The following CDYL2 variants were observed in gnomAD, a reference collection of about 807,000 sequenced individuals.
The protein encoded by CDYL2 is chromodomain Y-like protein 2.
A neutral mutation model predicts 49.4 loss-of-function variants in CDYL2; 23 were observed. The observed-to-expected ratio is 0.47, with a 90% CI of 0.34 to 0.66. CDYL2 has a LOEUF of 0.66. Ranked by LOEUF, CDYL2 falls within the 30% of genes least tolerant of loss-of-function variation. The probability of loss-of-function intolerance (pLI) is 0.01; values close to 1 mark genes in which losing one functional copy is unlikely to be tolerated. For missense variants in CDYL2, 678 were observed against 656.4 expected (o/e 1.03, Z -0.36); for synonymous variants, 360 against 268.8 (o/e 1.34, Z -3.32).
At chr16:80,676,090 G>T (rs1048593624) in intron 2 of CDYL2, among the ~76,000 whole-genome samples, 2 of 152,110 alleles carry the variant, frequency 1.3e-5, no homozygotes, top group African/African-American at 2.4e-5. Context: ...AGTTGCTCCT[G>T]GTTAAAGAGT....
At chr16:80,697,178 G>C (rs1904280016) in intron 1 of CDYL2, among the ~76,000 whole-genome samples, 1 of 152,050 alleles carries the variant, frequency 6.6e-6, no homozygotes, top group Non-Finnish European at 1.5e-5. Flanking sequence ...CCTCAACAAA[G>C]AATACAAGCA....
chr16:80,662,321 G>A (rs1270244098), intron 2 of CDYL2, among the ~76,000 whole-genome samples: 1 of 152,182 alleles, frequency 6.6e-6, no homozygotes, highest in Admixed American at 6.5e-5. Context: ...GAACACAGAA[G>A]GAAGTTAGTG....
At chr16:80,754,103 C>G (rs1206485629) in intron 1 of CDYL2, among the ~76,000 whole-genome samples, 1 of 152,146 alleles carries the variant, frequency 6.6e-6, no homozygotes, top group Non-Finnish European at 1.5e-5. Context: ...AAATTTTAAT[C>G]CCTATTTTAC....
intron 2 of CDYL2, among the ~76,000 whole-genome samples, chr16:80,679,286 A>G (rs1909880081): frequency 7.6e-6 from 1 of 131,656 alleles, no homozygotes; most frequent in South Asian, 2.6e-4. Flanking sequence ...AAATAAATAA[A>G]TAAATAAACA....
At chr16:80,715,125 G>A (rs1343748207) in intron 1 of CDYL2, among the ~76,000 whole-genome samples, 7 of 152,188 alleles carry the variant, frequency 4.6e-5, no homozygotes, top group South Asian at 2.1e-4. Context: ...ACTGCAGTAC[G>A]GTACACAAGC....
intron 2 of CDYL2, among the ~76,000 whole-genome samples, chr16:80,658,211 C>G (rs1255503175): frequency 6.6e-6 from 1 of 151,404 alleles, no homozygotes; most frequent in African/African-American, 2.4e-5. Flanking sequence ...GAAGAGGTGA[C>G]CCTTCTTTGA....
chr16:80,667,954 G>T (rs537650336), intron 2 of CDYL2, among the ~76,000 whole-genome samples: 66 of 152,350 alleles, frequency 4.3e-4, no homozygotes, highest in African/African-American at 1.5e-3. Context: ...CAGCAGGATG[G>T]CACCCGGGCA....
At chr16:80,759,063 A>G (rs1291930390) in intron 1 of CDYL2, among the ~76,000 whole-genome samples, 2 of 144,628 alleles carry the variant, frequency 1.4e-5, no homozygotes, top group Admixed American at 1.4e-4. Context: ...CCCCATATGT[A>G]CATACCTGGG....
At position 80,601,306 on chromosome 16, in the gene CDYL2, G is replaced by A. The variant is rs929534328; in HGVS notation, c.*3082C>T. Reference sequence around the variant, plus strand: ...GAGAGTTCCACTGCATGGCTAACAGGATGGGAGGGAGTGGATTGCTAGAAA... The same window carrying A: ...GAGAGTTCCACTGCATGGCTAACAGAATGGGAGGGAGTGGATTGCTAGAAA... On this transcript the variant is annotated 3_prime_UTR_variant, in exon 7 of 7. Coordinates refer to ENST00000570137, the MANE Select transcript of CDYL2 (RefSeq NM_152342.4). 1 of 152,276 alleles carries A rather than the reference G, an allele frequency of 6.6e-6. No individual in the cohort carries two copies. The highest frequency in any genetic ancestry group is 2.1e-4 in the South Asian group (1 of 4,824). The allele number at this position is 152,276 out of a possible 1,614,324, so 9.4% of individuals were successfully genotyped here.
chr16:80,726,912 G>A (rs1396542329), intron 1 of CDYL2, among the ~76,000 whole-genome samples: 1 of 152,088 alleles, frequency 6.6e-6, no homozygotes, highest in African/African-American at 2.4e-5. Flanking sequence ...ATAATGAGAT[G>A]CTGCCTCTAC....
At chr16:80,797,569 T>C (rs897793083) in intron 1 of CDYL2, among the ~76,000 whole-genome samples, 11 of 152,166 alleles carry the variant, frequency 7.2e-5, no homozygotes, top group African/African-American at 2.2e-4. Flanking sequence ...CCTTTTTTTT[T>C]CCAGCATACC....
chr16:80,774,836 A>C (rs75568948), intron 1 of CDYL2, among the ~76,000 whole-genome samples: 5,084 of 152,032 alleles, frequency 0.033, 253 homozygotes, highest in African/African-American at 0.11. Flanking sequence ...AAGAGTAGTA[A>C]GATACATGAA....
At position 80,684,670 on chromosome 16, in the gene CDYL2, C is replaced by T. The variant is rs201425276; in HGVS notation, c.484G>A (p.Gly162Ser). The T allele has an allele frequency of 1.8e-5, 29 of 1,614,072 alleles. No individual in the cohort carries two copies. Among genetic ancestry groups the T allele is most frequent in the South Asian group, 3.3e-5 (3 of 91,084 alleles). The change falls in exon 2 of 7, where the codon GGC becomes AGC. Residue 162 changes from glycine (G) to serine (S), a missense_variant. Transcript: ENST00000570137. The part of the protein sequence containing the change: ...SQNGMENGDA[G>S]SEKDERHFGN... ...AAGTGCCTCTCATCCTTCTCAGAGC[C>T]GGCGTCCCCATTTTCCATCCCGTTC...
chr16:80,663,915 T>G (rs1209594874), intron 2 of CDYL2, among the ~76,000 whole-genome samples: 1 of 152,198 alleles, frequency 6.6e-6, no homozygotes, highest in African/African-American at 2.4e-5. Flanking sequence ...CATTCAGCAG[T>G]GTAAAGCATG....
At chr16:80,757,696 A>G (rs1473234130) in intron 1 of CDYL2, among the ~76,000 whole-genome samples, 1 of 152,050 alleles carries the variant, frequency 6.6e-6, no homozygotes, top group East Asian at 1.9e-4. Context: ...TATATTCATA[A>G]TAACAACAAA....
chr16:80,605,369 T>C (rs563258946), intron 6 of CDYL2, among the ~76,000 whole-genome samples: 1 of 148,364 alleles, frequency 6.7e-6, no homozygotes, highest in Non-Finnish European at 1.5e-5. Context: ...TATGTATATG[T>C]ATAATATATA....
intron 1 of CDYL2, among the ~76,000 whole-genome samples, chr16:80,703,277 A>G (rs1798327137): frequency 6.6e-6 from 1 of 152,180 alleles, no homozygotes; most frequent in African/African-American, 2.4e-5. Context: ...TGTGAATAGC[A>G]TTATATTTTA....
intron 5 of CDYL2, among the ~76,000 whole-genome samples, chr16:80,609,066 G>A (rs146743484): frequency 9.4e-4 from 143 of 152,312 alleles, no homozygotes; most frequent in African/African-American, 3.3e-3. Flanking sequence ...AGGGCAGAGA[G>A]CAATCTTCCC....
At chr16:80,762,925 G>A (rs573073775) in intron 1 of CDYL2, among the ~76,000 whole-genome samples, 22 of 152,332 alleles carry the variant, frequency 1.4e-4, no homozygotes, top group African/African-American at 5.3e-4. Flanking sequence ...CTGGCCATGA[G>A]TTCAATGTTA....
Sources: gnomAD v4.1 joint callset for allele counts (sites outside exome capture counted in the v4.1 genomes callset) on GRCh38, gnomAD v4.1.1 for gene constraint, MANE v1.5 for transcripts, NCBI Gene and HGNC (gene_info 2026-07-23, HGNC 2026-07-21) for gene names.